The following PKD1L1 variants were observed in gnomAD, a reference collection of about 807,000 sequenced individuals.
PKD1L1 encodes the protein polycystin-1-like protein 1.
In PKD1L1, 236 loss-of-function variants were observed where a neutral mutation model predicts 323.4. That is an observed-to-expected ratio of 0.73 (90% CI 0.66 to 0.81). The LOEUF (loss-of-function observed/expected upper bound fraction) is 0.81. Ranked by LOEUF, PKD1L1 falls within the 40% of genes least tolerant of loss-of-function variation. The pLI, the probability that PKD1L1 is intolerant of heterozygous loss-of-function variation, is 0.00. For missense variants in PKD1L1, 3,320 were observed against 3,508.0 expected (o/e 0.95, Z 1.35); for synonymous variants, 1,344 against 1,335.0 (o/e 1.01, Z -0.15).
rs1786530086 is a variant in PKD1L1 at position 47,774,692 on chromosome 7, A to G, written c.*451T>C. On this transcript the variant is annotated 3_prime_UTR_variant, in exon 57 of 57. Coordinates refer to ENST00000289672, the MANE Select transcript of PKD1L1 (RefSeq NM_138295.5). ...ATTAATCTAGCAAGATTCAATTGTT[A>G]AATTTACAAAATAAGGATTTTACTT... is the stretch of plus-strand genomic sequence containing the variant. 6.5e-6 allele frequency: 1 copy of G among 152,978 alleles called. No homozygotes were observed. Among genetic ancestry groups the G allele is most frequent in the Non-Finnish European group, 1.5e-5 (1 of 68,606 alleles). 9.5% of individuals were successfully genotyped at this position (152,978 alleles called of 1,614,324 possible).
chr7:47,775,408 C>T, intron 56 of PKD1L1, among the ~76,000 whole-genome samples: 1 of 152,180 alleles, frequency 6.6e-6, no homozygotes, highest in Admixed American at 6.5e-5. Flanking sequence ...GCTTCAATAA[C>T]ATTCAAACGA....
At position 47,896,942 on chromosome 7, in the gene PKD1L1, T is replaced by A. The variant is rs946632246; in HGVS notation, c.2271+1046A>T. 1.6e-4 allele frequency among the ~76,000 whole-genome samples: 25 copies of A among 152,288 alleles called. 1 individual carries two copies. The highest frequency in any genetic ancestry group is 3.4e-3 in the Middle Eastern group (1 of 294). ...CAGTCTGTTTCCTACTCGTTCCCAATCAACATTTCTAAAGAAGAGTATACA... is the reference window on the plus strand; with the variant it reads ...CAGTCTGTTTCCTACTCGTTCCCAAACAACATTTCTAAAGAAGAGTATACA... On this transcript the variant is annotated intron_variant, in intron 14 of 56. Transcript: ENST00000289672.
chr7:47,923,335 TAAA>T (rs371527820), intron 7 of PKD1L1, among the ~76,000 whole-genome samples: 12 of 123,550 alleles, frequency 9.7e-5, no homozygotes, highest in Admixed American at 8.2e-4. Context: ...CAATAAATAC[TAAA>T]AAAAAAAAAA....
intron 56 of PKD1L1, among the ~76,000 whole-genome samples, chr7:47,777,187 C>T (rs1228975259): frequency 1.3e-5 from 2 of 152,202 alleles, no homozygotes; most frequent in African/African-American, 4.8e-5. Context: ...CCACCACACC[C>T]GGCTGACACT....
chr7:47,860,123 A>T (rs1315186579), intron 26 of PKD1L1, among the ~76,000 whole-genome samples: 1 of 152,224 alleles, frequency 6.6e-6, no homozygotes, highest in African/African-American at 2.4e-5. Flanking sequence ...ATCCATGAAC[A>T]CTTTAGTGTG....
chr7:47,863,996 A>AT (rs996351036), intron 26 of PKD1L1, among the ~76,000 whole-genome samples: 25 of 151,868 alleles, frequency 1.6e-4, no homozygotes, highest in African/African-American at 4.4e-4. Context: ...CACTAGAGGG[A>AT]TTTTTTTTTA....
intron 25 of PKD1L1, 45 bp from the exon 26 acceptor site, chr7:47,865,317 G>T: frequency 1.3e-6 from 2 of 1,543,918 alleles, no homozygotes; most frequent in Non-Finnish European, 1.8e-6. Context: ...AATGCAAGGA[G>T]AGGGAAATTA....
At chr7:47,905,761 G>T (rs1787189879) in intron 10 of PKD1L1, 82 bp downstream of exon 10, 21 of 1,561,134 alleles carry the variant, frequency 1.3e-5, no homozygotes, top group Non-Finnish European at 1.7e-5. Context: ...AACAAAACCT[G>T]CTGCTGCCTA....
intron 50 of PKD1L1, 115 bp downstream of exon 50, chr7:47,811,702 C>A (rs181964535): frequency 7.7e-6 from 6 of 781,910 alleles, no homozygotes; most frequent in Non-Finnish European, 1.2e-5. Context: ...AGAGTGTGAC[C>A]GGAGGGGCAG....
At chr7:47,821,034 T>C in intron 46 of PKD1L1, 42 bp downstream of exon 46, 2 of 1,231,204 alleles carry the variant, frequency 1.6e-6, no homozygotes, top group Non-Finnish European at 2.4e-6. Flanking sequence ...TATGGAATAG[T>C]GCAATGGCCC....
chr7:47,798,754 C>A lies in PKD1L1; in HGVS notation c.8193+1895G>T, dbSNP rs77768765. Among the ~76,000 whole-genome samples the A allele has an allele frequency of 6.2e-3, 814 of 131,354 alleles. 1 individual carries two copies. Among genetic ancestry groups the A allele is most frequent in the Non-Finnish European group, 7.2e-3 (452 of 62,852 alleles). The allele number at this position is 131,354 out of a possible 152,430, so 86.2% of individuals were successfully genotyped here. ...TGGGCGACAGAGTGAGACTCTGTCT[C>A]AAAAAAAAAAAACAAAAAAACCAAA... is the stretch of plus-strand genomic sequence containing the variant. On this transcript the variant is annotated intron_variant, in intron 54 of 56. Coordinates refer to ENST00000289672, the MANE Select transcript of PKD1L1 (RefSeq NM_138295.5).
At chr7:47,803,721 GTATTTA>G (rs1235514812) in intron 52 of PKD1L1, among the ~76,000 whole-genome samples, 1 of 152,182 alleles carries the variant, frequency 6.6e-6, no homozygotes, top group East Asian at 1.9e-4. Flanking sequence ...ACTCAAAGAA[GTATTTA>G]GTGCATGCTT....
chr7:47,922,800 A>C (rs2128753964), intron 7 of PKD1L1, among the ~76,000 whole-genome samples: 1 of 152,208 alleles, frequency 6.6e-6, no homozygotes, highest in East Asian at 1.9e-4. Context: ...GGAAGTGGGG[A>C]GCCCCTCTGC....
chr7:47,829,912 C>T (rs1441805074), intron 43 of PKD1L1, 128 bp downstream of exon 43: 13 of 922,378 alleles, frequency 1.4e-5, no homozygotes, highest in African/African-American at 1.7e-5. Flanking sequence ...TCCTGGTTCT[C>T]TCCAACCACA....
rs574183905 is a variant in PKD1L1 at position 47,904,689 on chromosome 7, G to T, written c.1692-72C>A. 2.4e-5 allele frequency: 36 copies of T among 1,507,218 alleles called. No homozygotes were observed. In the East Asian group the frequency reaches 8.0e-4, roughly 34 times the overall value. The allele number at this position is 1,507,218 out of a possible 1,614,324, so 93.4% of individuals were successfully genotyped here. On this transcript the variant is annotated intron_variant, in intron 11 of 56. Transcript: ENST00000289672. The stretch of plus-strand genomic sequence containing the variant: ...GAACAGGGTCAGGTCTAGAGAAACC[G>T]TCTGCTATACTTTAAGAGGAAGGCG...
At position 47,830,067 on chromosome 7, in the gene PKD1L1, G is replaced by A; in HGVS notation, c.6531C>T (p.Cys2177=). The A allele has an allele frequency of 6.2e-7, 1 of 1,614,198 alleles. No homozygotes were observed. The highest frequency in any genetic ancestry group is 2.2e-5 in the East Asian group (1 of 44,884). ...WLHLLSLSVV[C]CIFITQPLMV... is the part of the protein sequence containing the mutation. ...TAAGTGGCTGGGTGATGAAAATACA[G>A]CAGACCACGGAGAGGGACAGCAGGT... Residue 2177 remains cysteine, a synonymous_variant, in exon 43 of 57, where the codon TGC becomes TGT. Transcript: ENST00000289672.
In PKD1L1 at chr7:47,884,637, C is replaced by CTTGA. The variant is rs1389859003; in HGVS notation, c.3225_3226insTCAA (p.Asp1076SerfsTer16). On this transcript the variant is annotated frameshift_variant, in exon 19 of 57. Transcript: ENST00000289672. LOFTEE classifies it high-confidence loss of function. ...CCCGATGGTATTGCTTCTTGAATGTCACTGTAATAGGCTTCAAAATCTATA... is the reference window on the plus strand; with the variant it reads ...CCCGATGGTATTGCTTCTTGAATGTCTTGAACTGTAATAGGCTTCAAAATCTATA... 2.6e-5 allele frequency: 42 copies of CTTGA among 1,613,830 alleles called. No individual in the cohort carries two copies. The highest frequency in any genetic ancestry group is 3.6e-5 in the Non-Finnish European group (42 of 1,179,818).
intron 50 of PKD1L1, 66 bp downstream of exon 50, chr7:47,811,751 C>T (rs1784900933): frequency 1.8e-5 from 24 of 1,358,664 alleles, no homozygotes; most frequent in Non-Finnish European, 2.3e-5. Context: ...GGTGGAGAAG[C>T]CCAGCCCAGG....
chr7:47,905,815 T>C, intron 10 of PKD1L1, 28 bp downstream of exon 10: 1 of 1,609,938 alleles, frequency 6.2e-7, no homozygotes, highest in African/African-American at 1.3e-5. Context: ...AGGTTTTTGT[T>C]AAATCTGGAA....
Sources: allele counts gnomAD v4.1 joint callset (sites outside exome capture counted in the v4.1 genomes callset), GRCh38; gene constraint gnomAD v4.1.1; transcripts MANE v1.5; gene names NCBI Gene and HGNC (gene_info 2026-07-23, HGNC 2026-07-21).